The following ARHGEF10 variants were observed in gnomAD, a reference collection of about 807,000 sequenced individuals.
The protein encoded by ARHGEF10 is Rho guanine nucleotide exchange factor (GEF) 10.
A neutral mutation model predicts 147.4 loss-of-function variants in ARHGEF10; 140 were observed. That is an observed-to-expected ratio of 0.95 (90% CI 0.83 to 1.09). The LOEUF (loss-of-function observed/expected upper bound fraction) is 1.09, where lower values mean the gene tolerates loss of function less well. ARHGEF10 is among the 50% of genes least tolerant of loss of function. The pLI is 0.00. For synonymous variants in ARHGEF10, 902 were observed against 695.8 expected (o/e 1.30, Z -4.67); for missense variants, 2,222 against 1,752.7 (o/e 1.27, Z -4.78).
chr8:1,898,378 G>A, intron 14 of ARHGEF10, 55 bp from the exon 15 acceptor site: 1 of 1,520,720 alleles, frequency 6.6e-7, no homozygotes, highest in Non-Finnish European at 9.1e-7. Context: ...GGCCCCAGGG[G>A]CAGGGAGGGC....
chr8:1,920,641 C>G (rs376732928), intron 18 of ARHGEF10, among the ~76,000 whole-genome samples: 1 of 152,234 alleles, frequency 6.6e-6, no homozygotes, highest in African/African-American at 2.4e-5. Context: ...ACTTGTGTTA[C>G]AAGGTTGTGT....
chr8:1,934,905 A>G (rs1228463905), intron 26 of ARHGEF10, among the ~76,000 whole-genome samples: 1 of 152,226 alleles, frequency 6.6e-6, no homozygotes, highest in Non-Finnish European at 1.5e-5. Context: ...TTGGGAAAAA[A>G]ATTCCTGTAT....
intron 25 of ARHGEF10, among the ~76,000 whole-genome samples, chr8:1,931,350 G>A (rs893451782): frequency 2.0e-5 from 3 of 152,200 alleles, no homozygotes; most frequent in African/African-American, 4.8e-5. Context: ...TGTATTTTAT[G>A]CTTATGTCCC....
chr8:1,848,134 A>G (rs1315265631), intron 2 of ARHGEF10, among the ~76,000 whole-genome samples: 1 of 152,144 alleles, frequency 6.6e-6, no homozygotes, highest in Non-Finnish European at 1.5e-5. Flanking sequence ...GAAAACAGAA[A>G]ATTGAAGTGT....
At chr8:1,900,610 G>A (rs1353750018) in intron 15 of ARHGEF10, among the ~76,000 whole-genome samples, 2 of 152,142 alleles carry the variant, frequency 1.3e-5, no homozygotes, top group African/African-American at 2.4e-5. Context: ...ACACTGCGCC[G>A]TTTACAAATC....
intron 25 of ARHGEF10, among the ~76,000 whole-genome samples, chr8:1,932,102 G>T (rs954181376): frequency 3.9e-5 from 6 of 152,192 alleles, no homozygotes; most frequent in African/African-American, 1.2e-4. Context: ...TCACAACCCT[G>T]CGTTCTTGTG....
At chr8:1,852,164 G>T (rs1253855356) in intron 2 of ARHGEF10, among the ~76,000 whole-genome samples, 2 of 151,958 alleles carry the variant, frequency 1.3e-5, no homozygotes, top group Non-Finnish European at 2.9e-5. Flanking sequence ...CACCCCAAGT[G>T]CAATAGCCAT....
chr8:1,909,733 G>A (rs775578140), intron 18 of ARHGEF10, among the ~76,000 whole-genome samples: 4 of 152,214 alleles, frequency 2.6e-5, no homozygotes, highest in African/African-American at 9.6e-5. Flanking sequence ...AGTGGATTCC[G>A]TCTTCCCGGT....
At chr8:1,854,242 G>C (rs780455645) in intron 2 of ARHGEF10, among the ~76,000 whole-genome samples, 66 of 152,112 alleles carry the variant, frequency 4.3e-4, no homozygotes, top group Admixed American at 9.8e-4. Flanking sequence ...AGAGGGCGGC[G>C]CAGCCTCACC....
Position 1,824,047 on chromosome 8 carries a change from ACGGCGGGGAACAGC to A in ARHGEF10, c.-113_-100del, listed in dbSNP as rs1802584955. The A allele has an allele frequency of 2.2e-5, 2 of 90,376 alleles. No homozygotes were observed. Among genetic ancestry groups the A allele is most frequent in the African/African-American group, 8.3e-5 (2 of 24,010 alleles). 5.6% of individuals were successfully genotyped at this position (90,376 alleles called of 1,614,324 possible). On this transcript the variant is annotated 5_prime_UTR_variant, in exon 1 of 29. Coordinates refer to ENST00000349830, the MANE Select transcript of ARHGEF10 (RefSeq NM_014629.4). ...GGGGGACGGCGGGGAACAGCGGGGG[ACGGCGGGGAACAGC>A]GGGGGACGGCGGGGAACAGCAGGGG...
At chr8:1,845,874 G>T (rs1244896702) in intron 2 of ARHGEF10, among the ~76,000 whole-genome samples, 4 of 152,222 alleles carry the variant, frequency 2.6e-5, no homozygotes, top group African/African-American at 9.6e-5. Context: ...AGGACTGGGG[G>T]TGCCCAGGGT....
intron 26 of ARHGEF10, among the ~76,000 whole-genome samples, chr8:1,942,596 C>A (rs752922098): frequency 4.6e-5 from 7 of 152,154 alleles, no homozygotes; most frequent in African/African-American, 1.7e-4. Flanking sequence ...CATTTCCAGT[C>A]GTAGGTGTAG....
At chr8:1,859,482 G>A (rs535375375) in intron 3 of ARHGEF10, among the ~76,000 whole-genome samples, 1 of 151,306 alleles carries the variant, frequency 6.6e-6, no homozygotes, top group South Asian at 2.1e-4. Context: ...CAGCCTCTCG[G>A]TTGTTTGCAC....
chr8:1,902,656 T>G (rs1418179275), intron 15 of ARHGEF10, among the ~76,000 whole-genome samples: 2 of 151,402 alleles, frequency 1.3e-5, no homozygotes, highest in East Asian at 3.9e-4. Context: ...GGAGCCTGCG[T>G]GGCCACGCAG....
intron 4 of ARHGEF10, among the ~76,000 whole-genome samples, chr8:1,863,839 G>A (rs1054396307): frequency 3.3e-5 from 5 of 152,006 alleles, no homozygotes; most frequent in East Asian, 1.9e-4. Context: ...GTCGGACTGC[G>A]CGTGTATTTG....
chr8:1,934,243 A>T (rs1308350097), intron 26 of ARHGEF10, among the ~76,000 whole-genome samples: 1 of 151,286 alleles, frequency 6.6e-6, no homozygotes, highest in Non-Finnish European at 1.5e-5. Flanking sequence ...AGTCCCAAGT[A>T]CTCGGGAGGC....
chr8:1,906,933 C>T (rs1344954225), intron 17 of ARHGEF10, among the ~76,000 whole-genome samples: 1 of 152,198 alleles, frequency 6.6e-6, no homozygotes, highest in Non-Finnish European at 1.5e-5. Flanking sequence ...GACACTCCTT[C>T]TTGTAAGAGA....
At chr8:1,836,182 G>GAAAAAAA in intron 1 of ARHGEF10, among the ~76,000 whole-genome samples, 1 of 144,974 alleles carries the variant, frequency 6.9e-6, no homozygotes, top group Non-Finnish European at 1.5e-5. Context: ...CTCTGCCATG[G>GAAAAAAA]AAAAAAAAAA....
Position 1,858,252 on chromosome 8 carries a change from G to C in ARHGEF10, c.193+137G>C, listed in dbSNP as rs561245022. The C allele has an allele frequency of 4.9e-5, 37 of 751,202 alleles. No individual in the cohort carries two copies. The South Asian group carries it at 6.9e-4, about 14-fold the overall frequency. The allele number at this position is 751,202 out of a possible 1,614,324, so 46.5% of individuals were successfully genotyped here. On this transcript the variant is annotated intron_variant, in intron 3 of 28. Transcript: ENST00000349830. The stretch of plus-strand genomic sequence containing the variant: ...AGTCCCCAGGTGGGTCCCCAGGTGA[G>C]TCCCCTGGGGGGTTCCCAGGTGAGT...
Sources: gnomAD v4.1 joint callset for allele counts (sites outside exome capture counted in the v4.1 genomes callset) on GRCh38, gnomAD v4.1.1 for gene constraint, MANE v1.5 for transcripts, NCBI Gene and HGNC (gene_info 2026-07-23, HGNC 2026-07-21) for gene names.